Variants in NPAT observed in about 807,000 individuals in gnomAD.
NPAT encodes nuclear protein, coactivator of histone transcription, also known as protein NPAT.
In NPAT, 52 loss-of-function variants were observed where a neutral mutation model predicts 130.7. The observed-to-expected ratio is 0.40, with a 90% CI of 0.32 to 0.50. The LOEUF (loss-of-function observed/expected upper bound fraction) is 0.50, where lower values mean the gene tolerates loss of function less well. NPAT is among the 20% of genes least tolerant of loss of function. The pLI, the probability that NPAT is intolerant of heterozygous loss-of-function variation, is 0.68. For synonymous variants in NPAT, 580 were observed against 584.8 expected (o/e 0.99, Z 0.12); for missense variants, 1,687 against 1,662.6 (o/e 1.01, Z -0.26).
chr11:108,176,875 A>C, intron 11 of NPAT, 119 bp downstream of exon 11: 1 of 682,428 alleles, frequency 1.5e-6, no homozygotes, highest in Non-Finnish European at 2.6e-6. Flanking sequence ...ATAATGTTTG[A>C]TGAAATGAAA....
In NPAT at chr11:108,173,090, T is replaced by C. The variant is rs1565311221; in HGVS notation, c.1894A>G (p.Thr632Ala). 1.4e-5 allele frequency: 22 copies of C among 1,614,000 alleles called. No individual in the cohort carries two copies. The highest frequency in any genetic ancestry group is 4.0e-5 in the African/African-American group (3 of 74,926). Residue 632 changes from threonine to alanine, a missense_variant, in exon 13 of 18, where the codon ACT (threonine) becomes GCT (alanine). Physicochemically the swap from Thr to Ala is moderately conservative, Grantham distance 58. Around this residue, in one of 3 missense-constraint regions of NPAT, gnomAD observed 1,379 missense variants for 1,346.6 expected, o/e 1.02. Coordinates refer to ENST00000278612, the MANE Select transcript of NPAT (RefSeq NM_002519.3). ...GCTGAATCATTAGATGGTTGTTTAG[T>C]AGAAGACAGCGAATCTCCAAGATGA... ...EIHLGDSLSS[T>A]KQPSNDSASV...
intron 10 of NPAT, among the ~76,000 whole-genome samples, chr11:108,177,717 C>G (rs1397929367): frequency 9.4e-6 from 1 of 105,992 alleles, no homozygotes; most frequent in Non-Finnish European, 2.2e-5. Context: ...CTATAAAGTT[C>G]CCTTTTTTTT....
chr11:108,157,756 T>C lies in NPAT; in HGVS notation c.*1186A>G, dbSNP rs533827918. 1.2e-4 allele frequency: 18 copies of C among 152,606 alleles called. No individual in the cohort carries two copies. Among genetic ancestry groups the C allele is most frequent in the Admixed American group, 7.9e-4 (12 of 15,286 alleles). The allele number at this position is 152,606 out of a possible 1,614,324, so 9.5% of individuals were successfully genotyped here. A position where few individuals can be genotyped will look rare whatever the true frequency, so the allele number is the denominator to read the frequency against. ...TACTTTAATATCTAGGCACAATTGGTCAGGTACTAATTATAATTTCTGTTC... is the reference window on the plus strand; with the variant it reads ...TACTTTAATATCTAGGCACAATTGGCCAGGTACTAATTATAATTTCTGTTC... On this transcript the variant is annotated 3_prime_UTR_variant, in exon 18 of 18. Coordinates refer to ENST00000278612, the MANE Select transcript of NPAT (RefSeq NM_002519.3).
intron 8 of NPAT, among the ~76,000 whole-genome samples, chr11:108,186,133 C>G (rs1034871601): frequency 6.6e-6 from 1 of 152,072 alleles, no homozygotes; most frequent in Non-Finnish European, 1.5e-5. Flanking sequence ...CCTCCCATCT[C>G]AGCCTCCCAA....
intron 1 of NPAT, among the ~76,000 whole-genome samples, chr11:108,217,804 C>T (rs1471237989): frequency 6.6e-6 from 1 of 152,048 alleles, no homozygotes; most frequent in African/African-American, 2.4e-5. Context: ...AACAGCCTGG[C>T]CAATATGGTG....
intron 15 of NPAT, among the ~76,000 whole-genome samples, chr11:108,168,417 A>G (rs987055647): frequency 1.3e-5 from 2 of 152,238 alleles, no homozygotes; most frequent in African/African-American, 2.4e-5. Flanking sequence ...TAGCTATAAC[A>G]GGACATAAGT....
chr11:108,205,881 A>G (rs2078320600), intron 1 of NPAT, among the ~76,000 whole-genome samples: 1 of 152,028 alleles, frequency 6.6e-6, no homozygotes, highest in South Asian at 2.1e-4. Flanking sequence ...CATCTCTACT[A>G]AAAATACAAA....
chr11:108,160,040 A>C (rs2077830461), intron 17 of NPAT, among the ~76,000 whole-genome samples: 1 of 151,712 alleles, frequency 6.6e-6, no homozygotes, highest in Admixed American at 6.6e-5. Context: ...AATCCCAGCT[A>C]CTCAGGGGGC....
chr11:108,195,117 T>TA (rs2078207739), intron 2 of NPAT, among the ~76,000 whole-genome samples: 3 of 152,130 alleles, frequency 2.0e-5, no homozygotes, highest in Non-Finnish European at 2.9e-5. Context: ...CCACCACACT[T>TA]AGCCTGTTTT....
At chr11:108,184,655 C>G (rs1049924435) in intron 10 of NPAT, among the ~76,000 whole-genome samples, 4 of 152,238 alleles carry the variant, frequency 2.6e-5, no homozygotes, top group Admixed American at 2.6e-4. Context: ...TTCAGCCACC[C>G]GAGCTGCTGG....
intron 12 of NPAT, among the ~76,000 whole-genome samples, 199 bp from the exon 13 acceptor site, chr11:108,174,050 C>T (rs1434584741): frequency 6.6e-6 from 1 of 152,140 alleles, no homozygotes; most frequent in East Asian, 1.9e-4. Flanking sequence ...TGACTTTTTA[C>T]ACAAGTGTCA....
chr11:108,194,583 T>C (rs1565321598), intron 2 of NPAT, among the ~76,000 whole-genome samples: 1 of 152,224 alleles, frequency 6.6e-6, no homozygotes, highest in East Asian at 1.9e-4. Context: ...TAGTGGAGTA[T>C]TGCTGTTATG....
intron 7 of NPAT, among the ~76,000 whole-genome samples, chr11:108,187,886 T>C (rs1401643516): frequency 6.6e-6 from 1 of 152,150 alleles, no homozygotes; most frequent in Non-Finnish European, 1.5e-5. Context: ...ATATTTCCCA[T>C]GAAACAGTGA....
intron 15 of NPAT, among the ~76,000 whole-genome samples, chr11:108,165,811 T>C (rs577797456): frequency 6.6e-6 from 1 of 151,926 alleles, no homozygotes; most frequent in East Asian, 2.0e-4. Flanking sequence ...TTTTTTGTAT[T>C]TTTAGTAGAG....
rs1164358756 is a variant in NPAT at position 108,185,398 on chromosome 11, C to T, written c.818+5G>A. ...AATTAGGCATTTTAAACATATATAG[C>T]TTACCTAGTTAAAAATTTATTTATG... is the stretch of plus-strand genomic sequence containing the variant. On this transcript the variant is annotated splice_donor_5th_base_variant and intron_variant, in intron 9 of 17. Coordinates refer to ENST00000278612, the MANE Select transcript of NPAT (RefSeq NM_002519.3). The T allele has an allele frequency of 6.3e-7, 1 of 1,587,650 alleles. No individual in the cohort carries two copies.
At chr11:108,217,973 C>T (rs2078449505) in intron 1 of NPAT, among the ~76,000 whole-genome samples, 1 of 152,094 alleles carries the variant, frequency 6.6e-6, no homozygotes, top group African/African-American at 2.4e-5. Context: ...GCCTGGATGA[C>T]AAGAGTGCAA....
At chr11:108,184,616 C>T (rs1483875334) in intron 10 of NPAT, among the ~76,000 whole-genome samples, 1 of 152,162 alleles carries the variant, frequency 6.6e-6, no homozygotes, top group Non-Finnish European at 1.5e-5. Context: ...CTGCAACCTC[C>T]GCCCTCCCAG....
chr11:108,189,364 A>G (rs1446302860), intron 5 of NPAT, 34 bp from the exon 6 acceptor site: 2 of 1,593,776 alleles, frequency 1.3e-6, no homozygotes, highest in Non-Finnish European at 8.6e-7. Flanking sequence ...AACAAATTCA[A>G]CGTCAGGGTA....
chr11:108,182,366 T>C (rs1181763336), intron 10 of NPAT, among the ~76,000 whole-genome samples: 1 of 152,222 alleles, frequency 6.6e-6, no homozygotes, highest in Non-Finnish European at 1.5e-5. Context: ...CCCTGGAATT[T>C]TACACCTTAT....
Sources: allele counts gnomAD v4.1 joint callset (sites outside exome capture counted in the v4.1 genomes callset), GRCh38; gene constraint gnomAD v4.1.1; regional missense constraint gnomAD v4.1.1; transcripts MANE v1.5; gene names NCBI Gene and HGNC (gene_info 2026-07-23, HGNC 2026-07-21).